The following ANOS1 variants were observed in gnomAD, a reference collection of about 807,000 sequenced individuals.
ANOS1 encodes anosmin 1.
ANOS1 carries 6 observed loss-of-function variants against 59.0 expected under a neutral mutation model. The observed-to-expected ratio is 0.10, with a 90% CI of 0.06 to 0.20. The LOEUF is 0.20. ANOS1 is among the 10% of genes least tolerant of loss of function. The probability of loss-of-function intolerance (pLI) is 1.00; values close to 1 mark genes in which losing one functional copy is unlikely to be tolerated. For missense variants in ANOS1, 433 were observed against 542.3 expected (o/e 0.80, Z 2.00); for synonymous variants, 217 against 223.4 (o/e 0.97, Z 0.25).
intron 2 of ANOS1, among the ~76,000 whole-genome samples, chrX:8,666,321 G>A (rs1157046240): frequency 2.7e-5 from 3 of 111,616 alleles, no homozygotes; most frequent in Non-Finnish European, 5.6e-5. Context: ...AAATTCTAAA[G>A]AATAACACGG....
rs200626257 is a variant in ANOS1 at position 8,619,927 on chromosome X, C to A, written c.318+3681G>T. ...GTTTTGTAATATAATTATGACTGTT[C>A]TTTGTTTTATTGTTTTTTGTTTTGA... On this transcript the variant is annotated intron_variant, in intron 3 of 13. Coordinates refer to ENST00000262648, the MANE Select transcript of ANOS1 (RefSeq NM_000216.4). 1.8e-4 allele frequency among the ~76,000 whole-genome samples: 20 copies of A among 111,711 alleles called. No individual in the cohort carries two copies. In the East Asian group the frequency reaches 4.6e-3, roughly 25 times the overall value.
chrX:8,550,636 A>C (rs761690307), intron 9 of ANOS1, among the ~76,000 whole-genome samples: 2 of 111,676 alleles, frequency 1.8e-5, no homozygotes, highest in African/African-American at 6.5e-5. Context: ...CATTGCAAAA[A>C]TATGTCAAAG....
At chrX:8,539,846 G>C (rs1371945062) in intron 9 of ANOS1, 88 bp from the exon 10 acceptor site, 4 of 1,157,407 alleles carry the variant, frequency 3.5e-6, no homozygotes, top group Non-Finnish European at 3.5e-6. Context: ...GAGGAGAAAA[G>C]GAGAGGAAAT....
At position 8,597,254 on chromosome X, in the gene ANOS1, A is replaced by G. The variant is rs749041677; in HGVS notation, c.321T>C (p.Pro107=). 8.3e-7 allele frequency: 1 copy of G among 1,198,280 alleles called. No individual in the cohort carries two copies. The highest frequency in any genetic ancestry group is 1.1e-6 in the Non-Finnish European group (1 of 883,809). ...RKHQCQSFCE[P]LFPKKSYECL... Reference sequence around the variant, plus strand: ...ATTCGTAGCTCTTCTTGGGGAAGAGAGGCTAAGTCAAAGAAGAATTTTAAA... The same window carrying G: ...ATTCGTAGCTCTTCTTGGGGAAGAGGGGCTAAGTCAAAGAAGAATTTTAAA... The change falls in exon 4 of 14, where the codon CCT becomes CCC. Residue 107 remains proline (P), a splice_region_variant and synonymous_variant. Coordinates refer to ENST00000262648, the MANE Select transcript of ANOS1 (RefSeq NM_000216.4).
At chrX:8,637,321 C>T (rs910018642) in intron 2 of ANOS1, among the ~76,000 whole-genome samples, 2 of 112,149 alleles carry the variant, frequency 1.8e-5, no homozygotes, top group Admixed American at 9.5e-5. Context: ...CATTTAAGGA[C>T]TCAACCAAAG....
At chrX:8,677,692 CAT>C (rs956109421) in intron 2 of ANOS1, among the ~76,000 whole-genome samples, 53 of 111,406 alleles carry the variant, frequency 4.8e-4, no homozygotes, top group African/African-American at 1.7e-3. Context: ...AGATTACATA[CAT>C]ATATATATAT....
intron 2 of ANOS1, among the ~76,000 whole-genome samples, chrX:8,693,546 C>T (rs919495865): frequency 7.3e-5 from 8 of 110,291 alleles, no homozygotes; most frequent in Non-Finnish European, 1.5e-4. Context: ...ACATATTAAC[C>T]GTTAATGGGT....
chrX:8,721,353 C>T (rs778421903), intron 1 of ANOS1, among the ~76,000 whole-genome samples: 11 of 111,938 alleles, frequency 9.8e-5, no homozygotes, highest in Non-Finnish European at 1.3e-4. Flanking sequence ...GCTTGAGTTT[C>T]TGCTATGGAT....
chrX:8,731,121 G>C (rs754884042), intron 1 of ANOS1, among the ~76,000 whole-genome samples: 128 of 112,234 alleles, frequency 1.1e-3, no homozygotes, highest in African/African-American at 3.9e-3. Flanking sequence ...ATCCGAATAC[G>C]GCCCCGCCAA....
intron 2 of ANOS1, among the ~76,000 whole-genome samples, chrX:8,695,463 A>G (rs1323741796): frequency 8.9e-6 from 1 of 112,110 alleles, no homozygotes; most frequent in Non-Finnish European, 1.9e-5. Flanking sequence ...TAAAGAAAAG[A>G]AAAGAAAAAT....
At chrX:8,686,805 T>G (rs746729339) in intron 2 of ANOS1, among the ~76,000 whole-genome samples, 1 of 110,914 alleles carries the variant, frequency 9.0e-6, no homozygotes, top group Admixed American at 9.6e-5. Context: ...AATACAAAAA[T>G]TAGCCGGGTG....
At chrX:8,670,194 T>A (rs1932232680) in intron 2 of ANOS1, among the ~76,000 whole-genome samples, 1 of 111,302 alleles carries the variant, frequency 9.0e-6, no homozygotes, top group South Asian at 3.8e-4. Context: ...GGCTCATCAT[T>A]TCCTTCTTTC....
chrX:8,628,799 T>C (rs1011981942), intron 2 of ANOS1, among the ~76,000 whole-genome samples: 3 of 112,468 alleles, frequency 2.7e-5, no homozygotes, highest in African/African-American at 9.7e-5. Context: ...AAGAAAAATA[T>C]GTAGATTGAG....
chrX:8,588,234 G>T (rs1232650837), intron 4 of ANOS1, among the ~76,000 whole-genome samples: 1 of 110,195 alleles, frequency 9.1e-6, no homozygotes, highest in Non-Finnish European at 1.9e-5. Flanking sequence ...TCCTGATTCT[G>T]TAACAAGTGG....
chrX:8,722,902 G>A (rs1405677079), intron 1 of ANOS1, among the ~76,000 whole-genome samples: 1 of 111,591 alleles, frequency 9.0e-6, no homozygotes, highest in Non-Finnish European at 1.9e-5. Context: ...CATTCTTGCG[G>A]GAGTAAGGTG....
At chrX:8,541,512 C>T (rs1219879087) in intron 9 of ANOS1, among the ~76,000 whole-genome samples, 6 of 98,753 alleles carry the variant, frequency 6.1e-5, no homozygotes, top group South Asian at 9.8e-4. Context: ...TTATATAAGG[C>T]GGCTGGCGTG....
chrX:8,590,392 G>T (rs1438252675), intron 4 of ANOS1, among the ~76,000 whole-genome samples: 3 of 111,028 alleles, frequency 2.7e-5, no homozygotes, highest in Admixed American at 1.9e-4. Context: ...CTTGCCTTCT[G>T]CTTTCTAACT....
At chrX:8,578,442 C>T (rs1930367580) in intron 6 of ANOS1, among the ~76,000 whole-genome samples, 1 of 111,254 alleles carries the variant, frequency 9.0e-6, no homozygotes, top group African/African-American at 3.3e-5. Context: ...ACATCCCGAG[C>T]AGCTGTGGAA....
Position 8,683,439 on chromosome X carries a change from T to C in ANOS1, c.255+16259A>G, listed in dbSNP as rs144342256. Among the ~76,000 whole-genome samples, 469 of 110,964 alleles carry C rather than the reference T, an allele frequency of 4.2e-3. 2 individuals carry two copies. The highest frequency in any genetic ancestry group is 0.015 in the African/African-American group (447 of 30,541). ...CTGGTGCCCAAAGACCAAACTCTAT[T>C]GTGCCTCTCACTCAAACGGCAGAAG... On this transcript the variant is annotated intron_variant, in intron 2 of 13. Transcript: ENST00000262648.
Sources: allele counts gnomAD v4.1 joint callset (sites outside exome capture counted in the v4.1 genomes callset), GRCh38; gene constraint gnomAD v4.1.1; transcripts MANE v1.5; gene names NCBI Gene and HGNC (gene_info 2026-07-23, HGNC 2026-07-21).